Variants in FOXP2 observed in about 807,000 individuals in gnomAD.
FOXP2 encodes the protein forkhead box P2.
In FOXP2, 12 loss-of-function variants were observed where a neutral mutation model predicts 115.8. The ratio of observed to expected loss-of-function variants is 0.10; its 90% CI spans 0.07 to 0.17. The LOEUF (loss-of-function observed/expected upper bound fraction) is 0.17, where lower values mean the gene tolerates loss of function less well. FOXP2 is among the 10% of genes least tolerant of loss of function. The probability of loss-of-function intolerance (pLI) is 1.00; values close to 1 mark genes in which losing one functional copy is unlikely to be tolerated. For synonymous variants in FOXP2, 328 were observed against 297.7 expected, an observed-to-expected ratio of 1.10 and a Z score of -1.05; for missense variants, 629 against 843.5, an observed-to-expected ratio of 0.75 and a Z score of 3.15.
At chr7:114,447,145 A>G (rs1236018901) in intron 2 of FOXP2, among the ~76,000 whole-genome samples, 2 of 151,852 alleles carry the variant, frequency 1.3e-5, no homozygotes, top group African/African-American at 2.4e-5. Context: ...CCCATATTCA[A>G]TCTATTACCA....
chr7:114,300,161 G>A (rs939039908), intron 2 of FOXP2, among the ~76,000 whole-genome samples: 4 of 151,902 alleles, frequency 2.6e-5, no homozygotes, highest in Non-Finnish European at 4.4e-5. Context: ...TGCTTCTCTG[G>A]TTCTTATTGT....
intron 1 of FOXP2, among the ~76,000 whole-genome samples, chr7:114,271,237 A>G (rs1796027645): frequency 6.6e-6 from 1 of 151,334 alleles, no homozygotes; most frequent in South Asian, 2.1e-4. Context: ...AGAGAGTTTT[A>G]TTTTATTTTT....
At chr7:114,537,969 A>G (rs1562984628) in intron 3 of FOXP2, among the ~76,000 whole-genome samples, 1 of 151,670 alleles carries the variant, frequency 6.6e-6, no homozygotes, top group East Asian at 1.9e-4. Context: ...CCTAATAATA[A>G]CAGCCAAAGA....
At chr7:114,452,215 C>T (rs1383718147) in intron 2 of FOXP2, among the ~76,000 whole-genome samples, 1 of 151,894 alleles carries the variant, frequency 6.6e-6, no homozygotes, top group Non-Finnish European at 1.5e-5. Flanking sequence ...GCGATATTAA[C>T]AATATCTCAA....
chr7:114,558,957 G>T (rs563114732), intron 3 of FOXP2, among the ~76,000 whole-genome samples: 2 of 151,894 alleles, frequency 1.3e-5, no homozygotes, highest in Non-Finnish European at 2.9e-5. Context: ...TGTTTGTTTT[G>T]TCTATTAAAT....
At chr7:114,457,142 A>G (rs541951608) in intron 2 of FOXP2, among the ~76,000 whole-genome samples, 1 of 152,272 alleles carries the variant, frequency 6.6e-6, no homozygotes, top group Non-Finnish European at 1.5e-5. Flanking sequence ...ATTTGTTAAG[A>G]CTAGATTGTT....
At chr7:114,327,048 C>T (rs1441837328) in intron 2 of FOXP2, among the ~76,000 whole-genome samples, 1 of 152,200 alleles carries the variant, frequency 6.6e-6, no homozygotes, top group Non-Finnish European at 1.5e-5. Flanking sequence ...TAGAAATTCA[C>T]TTCCTCTAGG....
chr7:114,203,995 C>G (rs1261440132), intron 1 of FOXP2, among the ~76,000 whole-genome samples: 1 of 151,864 alleles, frequency 6.6e-6, no homozygotes, highest in Non-Finnish European at 1.5e-5. Flanking sequence ...TAAAAAAATC[C>G]ACTTCCTCCC....
chr7:114,336,227 T>C (rs1278773705), intron 2 of FOXP2, among the ~76,000 whole-genome samples: 1 of 151,582 alleles, frequency 6.6e-6, no homozygotes, highest in East Asian at 1.9e-4. Context: ...TTAATTCATC[T>C]GTGAACTTGT....
At chr7:114,689,736 T>C (rs775134469) in intron 16 of FOXP2, 46 bp from the exon 17 acceptor site, 1 of 1,609,872 alleles carries the variant, frequency 6.2e-7, no homozygotes, top group East Asian at 2.2e-5. Context: ...CAAACTCTGT[T>C]TGTTGCTTAC....
intron 2 of FOXP2, among the ~76,000 whole-genome samples, chr7:114,470,831 G>A (rs973767998): frequency 2.0e-5 from 3 of 151,038 alleles, no homozygotes; most frequent in African/African-American, 4.9e-5. Context: ...TCTCTCCCTC[G>A]GGGAAGGGGA....
intron 2 of FOXP2, among the ~76,000 whole-genome samples, chr7:114,393,550 G>A (rs1016485531): frequency 3.3e-5 from 5 of 151,860 alleles, no homozygotes; most frequent in Admixed American, 6.6e-5. Flanking sequence ...TGAAGGGGGC[G>A]TCCTTATGGG....
intron 3 of FOXP2, among the ~76,000 whole-genome samples, chr7:114,578,067 T>C (rs1026720712): frequency 6.6e-5 from 10 of 151,954 alleles, no homozygotes; most frequent in Non-Finnish European, 1.0e-4. Context: ...TGAAGAACAT[T>C]TTCTGGTGCA....
intron 1 of FOXP2, among the ~76,000 whole-genome samples, chr7:114,176,049 A>G (rs930103596): frequency 6.6e-6 from 1 of 151,894 alleles, no homozygotes; most frequent in Admixed American, 6.6e-5. Flanking sequence ...GTATTCTCAC[A>G]TTTTTGTTTT....
At chr7:114,645,129 A>AATATATATATATATAT (rs60674425) in intron 8 of FOXP2, 1 of 32,658 alleles carries the variant, frequency 3.1e-5, no homozygotes, top group Non-Finnish European at 6.3e-5. Context: ...GAGTCATCCT[A>AATATATATATATATAT]ATATATATAT....
chr7:114,290,010 A>G (rs553169919), intron 2 of FOXP2, among the ~76,000 whole-genome samples: 1 of 152,024 alleles, frequency 6.6e-6, no homozygotes, highest in Non-Finnish European at 1.5e-5. Context: ...TTGGCTTTTT[A>G]AATTAACCTC....
rs1423293751 is a variant in FOXP2, at chr7:114,534,565, ATAACT to A, written c.169-45_169-41del. 8 of 1,439,822 alleles carry A rather than the reference ATAACT, an allele frequency of 5.6e-6. No homozygotes were observed. The East Asian group carries it at 1.4e-4, about 25-fold the overall frequency. The allele number at this position is 1,439,822 out of a possible 1,614,324, so 89.2% of individuals were successfully genotyped here. Reference sequence around the variant, plus strand: ...TTTACTATTAACCAAGAGATAATTGATAACTTAACTTTCAACAAAATATTTAGATA... The same window carrying A: ...TTTACTATTAACCAAGAGATAATTGATAACTTTCAACAAAATATTTAGATA... On this transcript the variant is annotated intron_variant, in intron 2 of 16. Coordinates refer to ENST00000350908, the MANE Select transcript of FOXP2 (RefSeq NM_014491.4).
chr7:114,414,025 T>C (rs1453930290), upstream of FOXP2, among the ~76,000 whole-genome samples: 2 of 152,150 alleles, frequency 1.3e-5, no homozygotes, highest in Non-Finnish European at 1.5e-5. Flanking sequence ...GTCTTGGGTG[T>C]AACTCCTAAA....
At chr7:114,457,642 T>G (rs938415166) in intron 2 of FOXP2, among the ~76,000 whole-genome samples, 4 of 152,176 alleles carry the variant, frequency 2.6e-5, no homozygotes, top group African/African-American at 9.7e-5. Flanking sequence ...CTCACGCCTG[T>G]AATCCCAGCA....
Sources: gnomAD v4.1 joint callset for allele counts (sites outside exome capture counted in the v4.1 genomes callset) on GRCh38, gnomAD v4.1.1 for gene constraint, MANE v1.5 for transcripts, NCBI Gene and HGNC (gene_info 2026-07-23, HGNC 2026-07-21) for gene names.